SARAF: variants seen among roughly 807,000 people sequenced by gnomAD.
The protein encoded by SARAF is store-operated calcium entry associated regulatory factor, also known as store-operated calcium entry-associated regulatory factor.
A neutral mutation model predicts 39.7 loss-of-function variants in SARAF; 23 were observed. The observed-to-expected ratio is 0.58, with a 90% confidence interval of 0.42 to 0.82. SARAF has a LOEUF of 0.82. Ranked by LOEUF, SARAF falls within the 40% of genes least tolerant of loss-of-function variation. The probability of loss-of-function intolerance (pLI) is 0.00; values close to 1 mark genes in which losing one functional copy is unlikely to be tolerated. For synonymous variants in SARAF, 175 were observed against 168.5 expected (o/e 1.04, Z -0.30); for missense variants, 384 against 418.5 (o/e 0.92, Z 0.72).
At chr8:30,064,137 G>C (rs1801618309) in intron 5 of SARAF, among the ~76,000 whole-genome samples, 1 of 152,084 alleles carries the variant, frequency 6.6e-6, no homozygotes, top group African/African-American at 2.4e-5. Flanking sequence ...TGCTGGGAAT[G>C]ACAGTTAGGA....
chr8:30,066,895 C>T lies in SARAF; in HGVS notation c.724G>A (p.Ala242Thr), dbSNP rs1014848005. ...AAAGCACTGCCAAAACCAGAAGTTG[C>T]ACCATGGCCAGTATTCTGTGGTCCT... ...FTGPQNTGHGATSGFGSAFTG... is the reference protein window; with the variant it reads ...FTGPQNTGHGTTSGFGSAFTG... Residue 242 changes from alanine to threonine, a missense_variant, in exon 4 of 6, where the codon GCA becomes ACA. Physicochemically the swap from Ala to Thr is moderately conservative, Grantham distance 58 (BLOSUM62 0). Coordinates refer to ENST00000256255, the MANE Select transcript of SARAF (RefSeq NM_016127.6). 17 of 1,614,118 alleles carry T rather than the reference C, an allele frequency of 1.1e-5. No homozygotes were observed. Among genetic ancestry groups the T allele is most frequent in the Non-Finnish European group, 1.4e-5 (16 of 1,179,996 alleles).
chr8:30,064,845 G>A (rs988448629), intron 5 of SARAF, among the ~76,000 whole-genome samples: 11 of 151,890 alleles, frequency 7.2e-5, no homozygotes, highest in Non-Finnish European at 1.2e-4. Flanking sequence ...TTACAGGTGT[G>A]AGCCACCGTG....
At chr8:30,075,317 T>C (rs990680653) in intron 1 of SARAF, among the ~76,000 whole-genome samples, 1 of 132,786 alleles carries the variant, frequency 7.5e-6, no homozygotes, top group Admixed American at 7.3e-5. Flanking sequence ...AAAAAAAAAA[T>C]GAATTTCTAT....
At chr8:30,078,338 T>TC in intron 1 of SARAF, 1 of 421,096 alleles carries the variant, frequency 2.4e-6, no homozygotes, top group South Asian at 1.7e-5. Context: ...AGGACTTGAG[T>TC]TGTCATACTG....
intron 5 of SARAF, 135 bp from the exon 6 acceptor site, chr8:30,064,048 G>C (rs1801616276): frequency 2.6e-6 from 2 of 755,156 alleles, no homozygotes; most frequent in East Asian, 2.6e-5. Context: ...CCACTAGGTG[G>C]AACTGGGCTA....
intron 3 of SARAF, among the ~76,000 whole-genome samples, chr8:30,069,417 G>A (rs1212967272): frequency 6.6e-6 from 1 of 152,092 alleles, no homozygotes; most frequent in Non-Finnish European, 1.5e-5. Flanking sequence ...TGGGATTACA[G>A]GCGTGAGCCA....
intron 1 of SARAF, among the ~76,000 whole-genome samples, chr8:30,074,811 C>G (rs1801921823): frequency 6.6e-6 from 1 of 151,976 alleles, no homozygotes; most frequent in Admixed American, 6.6e-5. Flanking sequence ...TATAAAGATT[C>G]AATAAAACTG....
In SARAF at chr8:30,066,780, T is replaced by C. The variant is rs772470196; in HGVS notation, c.839A>G (p.Asn280Ser). ...GAGATCAATGCAAAAAGCTTACCTA[T>C]TGCTGCCAAACAAATATCCTAGTAT... ...GGILGYLFGS[N>S]RAATPFSDSW... is the part of the protein sequence containing the mutation. The change falls in exon 4 of 6, where the codon AAT becomes AGT. Residue 280 changes from asparagine (N) to serine (S), a missense_variant. By Grantham distance (46) the Asn-to-Ser change is conservative (BLOSUM62 1). Coordinates refer to ENST00000256255, the MANE Select transcript of SARAF (RefSeq NM_016127.6). The C allele has an allele frequency of 6.2e-7, 1 of 1,614,154 alleles. No homozygotes were observed. Among genetic ancestry groups the C allele is most frequent in the Non-Finnish European group, 8.5e-7 (1 of 1,180,000 alleles).
At chr8:30,079,317 T>C (rs749786457) in intron 1 of SARAF, among the ~76,000 whole-genome samples, 5 of 152,118 alleles carry the variant, frequency 3.3e-5, no homozygotes, top group Non-Finnish European at 5.9e-5. Context: ...ATAAAAGATG[T>C]CTTCTTTAAT....
chr8:30,076,805 A>G (rs1801977202), intron 1 of SARAF, among the ~76,000 whole-genome samples: 1 of 152,198 alleles, frequency 6.6e-6, no homozygotes, highest in African/African-American at 2.4e-5. Flanking sequence ...ATGACACAGC[A>G]AGAAGGCCCT....
chr8:30,063,870 T>C lies in SARAF; in HGVS notation c.*18A>G. ...ATCCAAAATTTCTGCATCCAGTGTTTGACTCCAACTTTCTACTTTATCGTC... is the reference window on the plus strand; with the variant it reads ...ATCCAAAATTTCTGCATCCAGTGTTCGACTCCAACTTTCTACTTTATCGTC... On this transcript the variant is annotated 3_prime_UTR_variant, in exon 6 of 6. Transcript: ENST00000256255. The C allele has an allele frequency of 6.2e-7, 1 of 1,612,704 alleles. No homozygotes were observed.
chr8:30,080,582 G>A (rs1347235504), intron 1 of SARAF, among the ~76,000 whole-genome samples: 1 of 152,176 alleles, frequency 6.6e-6, no homozygotes, highest in South Asian at 2.1e-4. Flanking sequence ...AAAGTCCTTG[G>A]AGGCAAGACA....
At chr8:30,064,557 A>ATTTTTTTTTTTTT (rs1458215350) in intron 5 of SARAF, among the ~76,000 whole-genome samples, 17 of 50,656 alleles carry the variant, frequency 3.4e-4, no homozygotes, top group East Asian at 1.9e-3. Context: ...ATATATATAT[A>ATTTTTTTTTTTTT]TATATTTTTT....
chr8:30,070,208 GA>G, intron 2 of SARAF, 149 bp from the exon 3 acceptor site: 1 of 660,922 alleles, frequency 1.5e-6, no homozygotes, highest in Non-Finnish European at 2.5e-6. Flanking sequence ...AGGAGTTCAA[GA>G]CCCGCCTGGC....
In SARAF at chr8:30,074,032, T is replaced by C. The variant is rs1287764886; in HGVS notation, c.127A>G (p.Lys43Glu). ...CGGTCATAGTGGAGGGTAAGAGCTT[T>C]TACATCCCGCAGCAACATTCTGTCT... ...DPDRMLLRDV[K>E]ALTLHYDRYT... Residue 43 changes from lysine to glutamate, a missense_variant, in exon 2 of 6, where the codon AAA becomes GAA. Coordinates refer to ENST00000256255, the MANE Select transcript of SARAF (RefSeq NM_016127.6). The C allele has an allele frequency of 3.1e-6, 5 of 1,613,622 alleles. No homozygotes were observed. Among genetic ancestry groups the C allele is most frequent in the Middle Eastern group, 1.6e-4 (1 of 6,082 alleles).
chr8:30,076,932 G>A (rs948295530), intron 1 of SARAF, among the ~76,000 whole-genome samples: 1 of 152,070 alleles, frequency 6.6e-6, no homozygotes, highest in African/African-American at 2.4e-5. Flanking sequence ...ACATTAAACA[G>A]ACAAAACAGC....
At chr8:30,070,124 T>TG (rs1435579008) in intron 2 of SARAF, 65 bp from the exon 3 acceptor site, 1 of 1,427,242 alleles carries the variant, frequency 7.0e-7, no homozygotes, top group African/African-American at 1.4e-5. Context: ...ATATGTTACT[T>TG]GGGGGCCGGG....
At chr8:30,080,238 A>G (rs1036658438) in intron 1 of SARAF, among the ~76,000 whole-genome samples, 13 of 152,200 alleles carry the variant, frequency 8.5e-5, no homozygotes, top group Non-Finnish European at 1.9e-4. Flanking sequence ...TTACTGTACA[A>G]TATTAAAATA....
In SARAF at chr8:30,082,989, C is replaced by G. The variant is rs3824207; in HGVS notation, c.-40G>C. On this transcript the variant is annotated 5_prime_UTR_variant, in exon 1 of 6. Transcript: ENST00000256255. ...ATGGCGCCGGGCTGCCAGACGCCTA[C>G]GGGCCGAACCTGGGTGCGGTAGCGC... is the stretch of plus-strand genomic sequence containing the variant. 2.0e-6 allele frequency: 3 copies of G among 1,478,126 alleles called. No individual in the cohort carries two copies. The highest frequency in any genetic ancestry group is 1.8e-6 in the Non-Finnish European group (2 of 1,095,410). 91.6% of individuals were successfully genotyped at this position (1,478,126 alleles called of 1,614,324 possible).
Sources: allele counts gnomAD v4.1 joint callset (sites outside exome capture counted in the v4.1 genomes callset), GRCh38; gene constraint gnomAD v4.1.1; transcripts MANE v1.5; gene names NCBI Gene and HGNC (gene_info 2026-07-23, HGNC 2026-07-21).